SMIM41: variants seen among roughly 807,000 people sequenced by gnomAD.
SMIM41 encodes small integral membrane protein 41.
chr12:52,099,656 A>C (rs1324804420), intron 2 of SMIM41, among the ~76,000 whole-genome samples: 1 of 151,996 alleles, frequency 6.6e-6, no homozygotes, highest in Non-Finnish European at 1.5e-5. Context: ...GAACAACATT[A>C]CAAGGGGGTT....
At chr12:52,094,785 A>C (rs558642743) in intron 2 of SMIM41, 1 of 152,292 alleles carries the variant, frequency 6.6e-6, no homozygotes, top group East Asian at 1.9e-4. Flanking sequence ...TGGGTCTCTC[A>C]TTTTAAAGTC....
chr12:52,104,211 TTTCTC>T (rs1207822412), intron 2 of SMIM41: 5 of 152,210 alleles, frequency 3.3e-5, no homozygotes, highest in African/African-American at 9.7e-5. Flanking sequence ...GACACTCACT[TTTCTC>T]TTCTTCTTCT....
rs1439944785 is a variant in SMIM41 at position 52,090,930 on chromosome 12, C to T, written c.*195+6962C>T. Among the ~76,000 whole-genome samples, 4 of 152,200 alleles carry T rather than the reference C, an allele frequency of 2.6e-5. No homozygotes were observed. In the South Asian group the frequency reaches 8.3e-4, roughly 32 times the overall value. On this transcript the variant is annotated intron_variant, in intron 2 of 2. Coordinates refer to ENST00000546390, the MANE Select transcript of SMIM41 (RefSeq NM_001369216.1). ...AACCTCACTGGATGCCCAAGAAGTA[C>T]TTTAGTGAAGGATCAAGTAAGGGTT...
intron 2 of SMIM41, among the ~76,000 whole-genome samples, chr12:52,103,730 G>A (rs967178860): frequency 6.6e-6 from 1 of 151,992 alleles, no homozygotes; most frequent in Non-Finnish European, 1.5e-5. Flanking sequence ...CTCCAGCCTG[G>A]GCGACAGAGA....
At chr12:52,088,929 G>GC (rs1460407232) in intron 2 of SMIM41, among the ~76,000 whole-genome samples, 3 of 151,930 alleles carry the variant, frequency 2.0e-5, no homozygotes, top group African/African-American at 7.3e-5. Flanking sequence ...AGGATGCTGT[G>GC]CCCACCCCTC....
At chr12:52,100,676 T>A (rs1940201192) in intron 2 of SMIM41, among the ~76,000 whole-genome samples, 1 of 150,132 alleles carries the variant, frequency 6.7e-6, no homozygotes, top group Non-Finnish European at 1.5e-5. Flanking sequence ...TTTCTCCATA[T>A]TGGTCAGGCT....
chr12:52,084,389 CAAAAA>C (rs34593136), intron 2 of SMIM41, among the ~76,000 whole-genome samples: 1 of 149,608 alleles, frequency 6.7e-6, no homozygotes, highest in Admixed American at 6.6e-5. Flanking sequence ...AAAAAACAAA[CAAAAA>C]AAAACAAACA....
chr12:52,100,547 C>A (rs111332526), intron 2 of SMIM41, among the ~76,000 whole-genome samples: 8,181 of 151,964 alleles, frequency 0.054, 299 homozygotes, highest in Non-Finnish European at 0.078. Flanking sequence ...ACCTCTGCCT[C>A]CCGTATTCAA....
chr12:52,080,045 G>A lies in SMIM41; in HGVS notation c.266G>A (p.Gly89Asp), dbSNP rs1939795315. 2 of 366,352 alleles carry A rather than the reference G, an allele frequency of 5.5e-6. No individual in the cohort carries two copies. Among genetic ancestry groups the A allele is most frequent in the Admixed American group, 9.2e-5 (2 of 21,638 alleles). 22.7% of individuals were successfully genotyped at this position (366,352 alleles called of 1,614,324 possible). Residue 89 changes from glycine to aspartate, a missense_variant, in exon 1 of 3, where the codon GGC becomes GAC. Coordinates refer to ENST00000546390, the MANE Select transcript of SMIM41 (RefSeq NM_001369216.1). ...CCGGGCAGTGCCAGCGGAGAGGACGGCGACGACGACTCCTAGGCGCCCGGC... is the reference window on the plus strand; with the variant it reads ...CCGGGCAGTGCCAGCGGAGAGGACGACGACGACGACTCCTAGGCGCCCGGC... ...PEPGSASGEDGDDDS is the reference protein window; with the variant it reads ...PEPGSASGEDDDDDS
chr12:52,093,380 G>A (rs1231954254), intron 2 of SMIM41, among the ~76,000 whole-genome samples: 1 of 152,044 alleles, frequency 6.6e-6, no homozygotes, highest in Non-Finnish European at 1.5e-5. Context: ...CTGTGGTTCC[G>A]GCAACTTGGC....
intron 2 of SMIM41, among the ~76,000 whole-genome samples, chr12:52,100,091 C>T (rs1407796867): frequency 1.4e-5 from 2 of 140,876 alleles, no homozygotes; most frequent in African/African-American, 5.0e-5. Flanking sequence ...CTCTCCCCCC[C>T]CGGATATTGG....
chr12:52,086,865 C>T (rs570227436), intron 2 of SMIM41, among the ~76,000 whole-genome samples: 8 of 152,354 alleles, frequency 5.3e-5, no homozygotes, highest in African/African-American at 1.9e-4. Flanking sequence ...TTGCCCATGT[C>T]CTAACTTCAC....
At position 52,107,971 on chromosome 12, in the gene SMIM41, C is replaced by T. The variant is rs553453614; in HGVS notation, c.*788C>T. On this transcript the variant is annotated 3_prime_UTR_variant, in exon 3 of 3. Transcript: ENST00000546390. The stretch of plus-strand genomic sequence containing the variant: ...GCCATATTTGGTTTTCTTCCCATCT[C>T]GGGGACCCTTTTCTCTTACTATAAA... The T allele has an allele frequency of 2.0e-5, 5 of 247,198 alleles. No homozygotes were observed. The highest frequency in any genetic ancestry group is 4.0e-5 in the Non-Finnish European group (5 of 125,774). The allele number at this position is 247,198 out of a possible 1,614,324, so 15.3% of individuals were successfully genotyped here.
intron 2 of SMIM41, among the ~76,000 whole-genome samples, chr12:52,087,170 A>G (rs543904897): frequency 1.4e-3 from 215 of 152,282 alleles, no homozygotes; most frequent in Middle Eastern, 6.8e-3. Flanking sequence ...AAGTGGCCAG[A>G]GGAGGGCCGG....
At chr12:52,102,606 A>G (rs1049151880) in intron 2 of SMIM41, among the ~76,000 whole-genome samples, 1 of 152,154 alleles carries the variant, frequency 6.6e-6, no homozygotes, top group Non-Finnish European at 1.5e-5. Context: ...AGATATAGCA[A>G]TGGCCAATAA....
intron 2 of SMIM41, chr12:52,087,532 G>C (rs918439219): frequency 6.6e-6 from 1 of 152,534 alleles, no homozygotes; most frequent in Admixed American, 6.5e-5. Flanking sequence ...TGCTCTCCTG[G>C]CCACATCTGC....
In SMIM41 at chr12:52,090,831, G is replaced by A. The variant is rs548471994; in HGVS notation, c.*195+6863G>A. Among the ~76,000 whole-genome samples, 47 of 152,268 alleles carry A rather than the reference G, an allele frequency of 3.1e-4. 2 individuals are homozygous for A. In the South Asian group the frequency reaches 9.5e-3, roughly 31 times the overall value. On this transcript the variant is annotated intron_variant, in intron 2 of 2. Coordinates refer to ENST00000546390, the MANE Select transcript of SMIM41 (RefSeq NM_001369216.1). The stretch of plus-strand genomic sequence containing the variant: ...GGCTGGAAATCCATAGATGGCCAGC[G>A]AGTGGGGCAGCTTCTTCTTGAATAC...
At chr12:52,086,519 T>TTTTTGCTCCACA (rs1459707579) in intron 2 of SMIM41, among the ~76,000 whole-genome samples, 1 of 152,244 alleles carries the variant, frequency 6.6e-6, no homozygotes, top group Non-Finnish European at 1.5e-5. Context: ...ATCCTCATCC[T>TTTTTGCTCCACA]GCTCCACAGC....
At chr12:52,096,951 G>T (rs1169565872) in intron 2 of SMIM41, among the ~76,000 whole-genome samples, 5 of 151,988 alleles carry the variant, frequency 3.3e-5, no homozygotes, top group African/African-American at 1.2e-4. Flanking sequence ...TAATATCCAG[G>T]CGGGGAGAGG....
Sources: gnomAD v4.1 joint callset for allele counts (sites outside exome capture counted in the v4.1 genomes callset) on GRCh38, gnomAD v4.1.1 for gene constraint, MANE v1.5 for transcripts, NCBI Gene and HGNC (gene_info 2026-07-23, HGNC 2026-07-21) for gene names.